B2M: variants seen among roughly 807,000 people sequenced by gnomAD.
B2M encodes beta chain of MHC class I molecules.
In B2M, 3 loss-of-function variants were observed where a neutral mutation model predicts 14.5. That is an observed-to-expected ratio of 0.21 (90% CI 0.09 to 0.53). The LOEUF is 0.53. B2M is among the 20% of genes least tolerant of loss of function. The pLI, the probability that B2M is intolerant of heterozygous loss-of-function variation, is 0.95. For synonymous variants in B2M, 45 were observed against 52.7 expected, an observed-to-expected ratio of 0.85 and a Z score of 0.64; for missense variants, 107 against 140.8, an observed-to-expected ratio of 0.76 and a Z score of 1.21.
rs113588976 is a variant in B2M at position 44,715,781 on chromosome 15, G to A, written c.346+80G>A. ...CATAAAGCTGCTTTGATATAAAAAA[G>A]GTCTATGGCCATACTACCCTGAATG... On this transcript the variant is annotated intron_variant, in intron 2 of 3. Transcript: ENST00000648006. 1.9e-3 allele frequency: 2,885 copies of A among 1,549,444 alleles called. 57 individuals are homozygous for A. The African/African-American group carries it at 0.036, about 19-fold the overall frequency.
At chr15:44,715,765 G>T in intron 2 of B2M, 64 bp downstream of exon 2, 1 of 1,592,760 alleles carries the variant, frequency 6.3e-7, no homozygotes. Flanking sequence ...TCATAAAGCT[G>T]CTTTGATATA....
At chr15:44,711,841 C>T (rs1455267620) in intron 1 of B2M, 2 of 660,658 alleles carry the variant, frequency 3.0e-6, no homozygotes, top group Admixed American at 2.3e-5. Flanking sequence ...CGGCGGGGAG[C>T]AGGGGAGACC....
chr15:44,715,179 G>GA lies in B2M; in HGVS notation c.68-236dup, dbSNP rs960875781. 318 of 571,060 alleles carry GA rather than the reference G, an allele frequency of 5.6e-4. 1 individual carries two copies. Among genetic ancestry groups the GA allele is most frequent in the African/African-American group, 3.2e-3 (171 of 53,004 alleles). 35.4% of individuals were successfully genotyped at this position (571,060 alleles called of 1,614,324 possible). A position where few individuals can be genotyped will look rare whatever the true frequency, so the allele number is the denominator to read the frequency against. On this transcript the variant is annotated intron_variant, in intron 1 of 3. Transcript: ENST00000648006. ...AGAAGATACTGCTAGAAATCTGCTAGAAAAAAAACAAAAAAGGCATGTATA... is the reference window on the plus strand; with the variant it reads ...AGAAGATACTGCTAGAAATCTGCTAGAAAAAAAAACAAAAAAGGCATGTATA...
At chr15:44,715,767 T>C in intron 2 of B2M, 66 bp downstream of exon 2, 2 of 1,594,240 alleles carry the variant, frequency 1.3e-6, no homozygotes, top group Non-Finnish European at 1.7e-6. Context: ...ATAAAGCTGC[T>C]TTGATATAAA....
At chr15:44,716,294 G>A (rs1566877504) in intron 2 of B2M, 35 bp from the exon 3 acceptor site, 1 of 1,602,862 alleles carries the variant, frequency 6.2e-7, no homozygotes, top group Admixed American at 1.7e-5. Context: ...AAAACTTAAT[G>A]TCTTCCTTTT....
At chr15:44,714,952 T>G in intron 1 of B2M, 7 of 193,210 alleles carry the variant, frequency 3.6e-5, no homozygotes, top group South Asian at 8.1e-5. Context: ...ATGGAAGGGG[T>G]GGAAACAGAG....
chr15:44,714,947 A>G (rs942645734), intron 1 of B2M: 9 of 201,954 alleles, frequency 4.5e-5, no homozygotes, highest in African/African-American at 7.2e-5. Context: ...AAAAAATGGA[A>G]GGGGTGGAAA....
At chr15:44,715,291 A>T in intron 1 of B2M, 132 bp from the exon 2 acceptor site, 1 of 1,088,916 alleles carries the variant, frequency 9.2e-7, no homozygotes, top group Admixed American at 1.7e-5. Flanking sequence ...TCATTTGGCC[A>T]GAGTGGAAAT....
chr15:44,714,920 AGGCAT>A, intron 1 of B2M: 14 of 204,048 alleles, frequency 6.9e-5, no homozygotes, highest in East Asian at 1.3e-4. Context: ...CCAAAAAGAA[AGGCAT>A]AAACATAAGA....
chr15:44,715,370 C>A, intron 1 of B2M, 53 bp from the exon 2 acceptor site: 1 of 1,578,760 alleles, frequency 6.3e-7, no homozygotes, highest in South Asian at 1.1e-5. Flanking sequence ...CCAAGTTAGC[C>A]CCAAGTGAAA....
chr15:44,711,731 G>A, intron 1 of B2M, 118 bp downstream of exon 1: 3 of 1,293,042 alleles, frequency 2.3e-6, no homozygotes, highest in East Asian at 2.4e-5. Flanking sequence ...TTGGTGGCCC[G>A]CCGTGGGGCT....
At chr15:44,712,844 T>C (rs2086896990) in intron 1 of B2M, 1 of 151,550 alleles carries the variant, frequency 6.6e-6, no homozygotes, top group African/African-American at 2.4e-5. Flanking sequence ...CAAAAAATAA[T>C]AACAAAAATT....
chr15:44,717,250 T>G (rs1281482118), intron 3 of B2M: 1 of 152,246 alleles, frequency 6.6e-6, no homozygotes, highest in Non-Finnish European at 1.5e-5. Flanking sequence ...ACTACAAACC[T>G]GTACAGCCTG....
chr15:44,716,407 A>G (rs938075860), intron 3 of B2M, 51 bp downstream of exon 3: 8 of 1,509,624 alleles, frequency 5.3e-6, no homozygotes, highest in Non-Finnish European at 5.5e-6. Context: ...CCTGAGGACT[A>G]TTTATAGACA....
chr15:44,712,071 G>A, intron 1 of B2M: 2 of 328,024 alleles, frequency 6.1e-6, no homozygotes, highest in South Asian at 5.3e-5. Flanking sequence ...GCGTCGCCCG[G>A]GTAAGCCTGT....
At chr15:44,712,137 C>T in intron 1 of B2M, 1 of 261,598 alleles carries the variant, frequency 3.8e-6, no homozygotes, top group Non-Finnish European at 7.7e-6. Flanking sequence ...TCTAGGCGCC[C>T]GCTAAGTTCG....
intron 3 of B2M, 97 bp downstream of exon 3, chr15:44,716,453 T>A: frequency 7.9e-7 from 1 of 1,265,402 alleles, no homozygotes; most frequent in Non-Finnish European, 1.2e-6. Context: ...GTGGAGAACA[T>A]TGACAGAGTA....
chr15:44,711,663 C>A, intron 1 of B2M, 50 bp downstream of exon 1: 1 of 1,561,992 alleles, frequency 6.4e-7, no homozygotes, highest in Non-Finnish European at 8.8e-7. Context: ...CCGCTCTGCA[C>A]CCTCTGTGGC....
intron 1 of B2M, chr15:44,711,898 A>T (rs559525679): frequency 3.5e-6 from 2 of 579,410 alleles, no homozygotes; most frequent in Non-Finnish European, 6.2e-6. Flanking sequence ...TAGGGCGTCG[A>T]TAAGCGTCAG....
Sources: allele counts gnomAD v4.1 joint callset, GRCh38; gene constraint gnomAD v4.1.1; transcripts MANE v1.5; gene names NCBI Gene and HGNC (gene_info 2026-07-23, HGNC 2026-07-21).